SLC25A53: variants seen among roughly 807,000 people sequenced by gnomAD.
SLC25A53 encodes mitochondrial carrier triple repeat protein 6.
SLC25A53 carries 5 observed loss-of-function variants against 15.0 expected under a neutral mutation model. That is an observed-to-expected ratio of 0.33 (90% confidence interval 0.17 to 0.70). The LOEUF is 0.70. Among genes scored for constraint, SLC25A53 ranks in the 30% least tolerant of loss-of-function variants. The pLI, the probability that SLC25A53 is intolerant of heterozygous loss-of-function variation, is 0.67. For synonymous variants in SLC25A53, 95 were observed against 100.0 expected (o/e 0.95, Z 0.30); for missense variants, 216 against 241.6 (o/e 0.89, Z 0.70).
At chrX:104,109,759 T>C (rs2075329731) in intron 1 of SLC25A53, among the ~76,000 whole-genome samples, 1 of 111,770 alleles carries the variant, frequency 8.9e-6, no homozygotes, top group African/African-American at 3.3e-5. Context: ...TTCTGCAAAA[T>C]GGGATACAAT....
intron 1 of SLC25A53, chrX:104,114,602 T>C (rs1556360547): frequency 5.8e-6 from 7 of 1,211,918 alleles, no homozygotes; most frequent in Non-Finnish European, 7.8e-6. Flanking sequence ...CAGGCAGGCA[T>C]CCTAGCTGAG....
chrX:104,156,658 A>T (rs998921273), intron 1 of SLC25A53, among the ~76,000 whole-genome samples: 2 of 107,402 alleles, frequency 1.9e-5, no homozygotes, highest in East Asian at 3.0e-4. Flanking sequence ...TAATGAGGGG[A>T]TTCACACATC....
At chrX:104,145,572 A>G (rs1159171497) in intron 1 of SLC25A53, among the ~76,000 whole-genome samples, 1 of 112,097 alleles carries the variant, frequency 8.9e-6, no homozygotes, top group Non-Finnish European at 1.9e-5. Flanking sequence ...AGCCAGACTA[A>G]TAAAGAAGAA....
chrX:104,126,763 T>G (rs994865077), intron 1 of SLC25A53, among the ~76,000 whole-genome samples: 1 of 112,567 alleles, frequency 8.9e-6, no homozygotes, highest in South Asian at 3.6e-4. Context: ...TTCAACATCA[T>G]TAGTCACTAA....
At chrX:104,143,051 A>G (rs2075455474) in intron 1 of SLC25A53, among the ~76,000 whole-genome samples, 1 of 111,528 alleles carries the variant, frequency 9.0e-6, no homozygotes, top group African/African-American at 3.3e-5. Flanking sequence ...AAGGAATTCC[A>G]TCAACATCAA....
chrX:104,127,976 A>C (rs1018131948), intron 1 of SLC25A53, among the ~76,000 whole-genome samples: 9 of 110,842 alleles, frequency 8.1e-5, no homozygotes, highest in South Asian at 3.9e-4. Flanking sequence ...AAAAAACAAA[A>C]AAACAAACAA....
Position 104,147,309 on chromosome X carries a change from G to T in SLC25A53, c.-32+9569C>A, listed in dbSNP as rs1289272820. 4.5e-5 allele frequency among the ~76,000 whole-genome samples: 5 copies of T among 110,534 alleles called. No individual in the cohort carries two copies. In the Admixed American group the frequency reaches 4.8e-4, roughly 11 times the overall value. On this transcript the variant is annotated intron_variant, in intron 1 of 1. Transcript: ENST00000594199. Reference sequence around the variant, plus strand: ...CCTTATACAAAAATTAATTCAAGATGGATTAAAGACTTAAACGTTAGACCT... The same window carrying T: ...CCTTATACAAAAATTAATTCAAGATTGATTAAAGACTTAAACGTTAGACCT...
At chrX:104,124,665 G>A (rs1262671235) in intron 1 of SLC25A53, among the ~76,000 whole-genome samples, 1 of 109,055 alleles carries the variant, frequency 9.2e-6, no homozygotes, top group Non-Finnish European at 1.9e-5. Context: ...GAGGCAGGAG[G>A]GTCACTTGAG....
At chrX:104,146,934 C>T (rs2075469358) in intron 1 of SLC25A53, among the ~76,000 whole-genome samples, 1 of 111,412 alleles carries the variant, frequency 9.0e-6, no homozygotes, top group Non-Finnish European at 1.9e-5. Context: ...ACTTTCTTCA[C>T]AGAATTGGAA....
At chrX:104,112,253 G>A (rs1280889413) in intron 1 of SLC25A53, 1 of 113,048 alleles carries the variant, frequency 8.8e-6, no homozygotes, top group Non-Finnish European at 1.9e-5. Context: ...CTAAAAGCCC[G>A]GAGGAGAGCC....
intron 1 of SLC25A53, among the ~76,000 whole-genome samples, chrX:104,123,162 C>G (rs1051523383): frequency 8.9e-6 from 1 of 112,576 alleles, no homozygotes; most frequent in African/African-American, 3.2e-5. Context: ...TAAACCGTCC[C>G]TCCCAGACTC....
chrX:104,148,599 T>C (rs1009983839), intron 1 of SLC25A53, among the ~76,000 whole-genome samples: 8 of 104,122 alleles, frequency 7.7e-5, no homozygotes, highest in South Asian at 4.3e-4. Context: ...AACCAAACAC[T>C]GCATGTTCTC....
rs2075395079 is a variant in SLC25A53 at position 104,121,914 on chromosome X, T to TC, written c.-31-16627_-31-16626insG. ...ATATATATATATATATATATATATA[T>TC]ATATATATATATATATATATATGAA... On this transcript the variant is annotated intron_variant, in intron 1 of 1. Transcript: ENST00000594199. 4.2e-3 allele frequency among the ~76,000 whole-genome samples: 181 copies of TC among 42,610 alleles called. 2 individuals are homozygous for TC. The highest frequency in any genetic ancestry group is 5.9e-3 in the Non-Finnish European group (138 of 23,381). 37.0% of individuals were successfully genotyped at this position (42,610 alleles called of 115,157 possible).
At chrX:104,145,458 T>A (rs782255130) in intron 1 of SLC25A53, among the ~76,000 whole-genome samples, 1 of 109,735 alleles carries the variant, frequency 9.1e-6, no homozygotes, top group African/African-American at 3.3e-5. Context: ...ATAACTAAGA[T>A]CAGAGCAGAA....
intron 1 of SLC25A53, among the ~76,000 whole-genome samples, chrX:104,129,535 C>A (rs782506851): frequency 9.1e-6 from 1 of 110,153 alleles, no homozygotes; most frequent in African/African-American, 3.3e-5. Context: ...CACTTGCTTA[C>A]AGTATGAGAG....
intron 1 of SLC25A53, 66 bp from the exon 2 acceptor site, chrX:104,105,354 CT>C: frequency 1.3e-6 from 1 of 787,308 alleles, no homozygotes; most frequent in East Asian, 3.3e-5. Flanking sequence ...ATTTTCATTG[CT>C]TAATTAGAAA....
intron 1 of SLC25A53, among the ~76,000 whole-genome samples, chrX:104,143,899 C>T (rs782397801): frequency 6.2e-5 from 7 of 112,319 alleles, no homozygotes; most frequent in African/African-American, 1.6e-4. Flanking sequence ...AACAGCAAAA[C>T]TCTTGCCAGA....
chrX:104,106,626 G>C (rs1366162798), intron 1 of SLC25A53, among the ~76,000 whole-genome samples: 2 of 111,362 alleles, frequency 1.8e-5, no homozygotes, highest in Non-Finnish European at 3.8e-5. Context: ...TGGGGAACCA[G>C]AGAGTCCAAG....
chrX:104,102,752 A>G lies in SLC25A53; in HGVS notation c.*1582T>C, dbSNP rs1420560201. 3 of 112,097 alleles carry G rather than the reference A, an allele frequency of 2.7e-5. No homozygotes were observed. Among genetic ancestry groups the G allele is most frequent in the Non-Finnish European group, 5.6e-5 (3 of 53,260 alleles). 9.2% of individuals were successfully genotyped at this position (112,097 alleles called of 1,213,427 possible). ...CTTTCAATGAGTTTTACAGTCTAGT[A>G]GGAGGTATTGAAGAATACAAGAACA... On this transcript the variant is annotated 3_prime_UTR_variant, in exon 2 of 2. Coordinates refer to ENST00000594199, the MANE Select transcript of SLC25A53 (RefSeq NM_001012755.5).
Sources: gnomAD v4.1 joint callset for allele counts (sites outside exome capture counted in the v4.1 genomes callset) on GRCh38, gnomAD v4.1.1 for gene constraint, MANE v1.5 for transcripts, NCBI Gene and HGNC (gene_info 2026-07-23, HGNC 2026-07-21) for gene names.